Variants in PCDHGB5 observed in about 807,000 individuals in gnomAD.
PCDHGB5 encodes protocadherin gamma subfamily B, 5, also known as protocadherin gamma-B5.
A neutral mutation model predicts 62.9 loss-of-function variants in PCDHGB5; 48 were observed. The ratio of observed to expected loss-of-function variants is 0.76; its 90% CI spans 0.61 to 0.97. PCDHGB5 has a LOEUF of 0.97. PCDHGB5 is among the 50% of genes least tolerant of loss of function. The pLI is 0.00. For missense variants in PCDHGB5, 1,118 were observed against 1,198.6 expected (o/e 0.93, Z 0.99); for synonymous variants, 474 against 511.2 (o/e 0.93, Z 0.98).
intron 1 of PCDHGB5, chr5:141,417,913 T>A (rs749352432): frequency 1.2e-6 from 2 of 1,601,944 alleles, no homozygotes; most frequent in African/African-American, 1.3e-5. Flanking sequence ...AGGTACTATT[T>A]CCTTTGCTGC....
Position 141,511,231 on chromosome 5 carries a change from C to T in PCDHGB5, c.*58C>T. On this transcript the variant is annotated 3_prime_UTR_variant, in exon 4 of 4. Coordinates refer to ENST00000617380, the MANE Select transcript of PCDHGB5 (RefSeq NM_018925.3). ...CTCTCCCCAACCAGCCCAGCTTCTC[C>T]TTACCTGCACCCAGGCCTCAGAGTT... 2 of 1,595,900 alleles carry T rather than the reference C, an allele frequency of 1.3e-6. No individual in the cohort carries two copies. The highest frequency in any genetic ancestry group is 2.2e-5 in the South Asian group (2 of 88,992).
chr5:141,469,284 A>G lies in PCDHGB5; in HGVS notation c.2398-25523A>G, dbSNP rs192391622. On this transcript the variant is annotated intron_variant, in intron 1 of 3. Transcript: ENST00000617380. ...AGAGCAAGACCCCATCTCAAAAAAT[A>G]AAACAAAATAGACTGGGCACGATGG... Among the ~76,000 whole-genome samples, 595 of 152,012 alleles carry G rather than the reference A, an allele frequency of 3.9e-3. 6 individuals are homozygous for G. The highest frequency in any genetic ancestry group is 0.011 in the Admixed American group (171 of 15,260).
In PCDHGB5 at chr5:141,487,934, C is replaced by T; in HGVS notation, c.2398-6873C>T. 4.9e-6 allele frequency: 3 copies of T among 607,674 alleles called. No homozygotes were observed. The highest frequency in any genetic ancestry group is 2.1e-5 in the South Asian group (1 of 48,014). 37.6% of individuals were successfully genotyped at this position (607,674 alleles called of 1,614,324 possible). Reference sequence around the variant, plus strand: ...ACAGGAGGCTACAGTGCACAGGGTACAGTGCACCAGGCAGTCACTTGGACA... The same window carrying T: ...ACAGGAGGCTACAGTGCACAGGGTATAGTGCACCAGGCAGTCACTTGGACA... On this transcript the variant is annotated intron_variant, in intron 1 of 3. Transcript: ENST00000617380. This position sits in a 1 kb window ranked among gnomAD's most constrained non-coding sequence, Gnocchi z 5.0.
chr5:141,417,940 C>A, intron 1 of PCDHGB5: 2 of 1,613,054 alleles, frequency 1.2e-6, no homozygotes, highest in Non-Finnish European at 1.7e-6. Flanking sequence ...TGTTCTACCC[C>A]ACGCTGTGTG....
chr5:141,441,836 C>T (rs1026890754), intron 1 of PCDHGB5: 2 of 354,006 alleles, frequency 5.6e-6, no homozygotes, highest in Non-Finnish European at 1.1e-5. Flanking sequence ...AATGGCTTCG[C>T]GCTCTTGGAT....
At chr5:141,501,516 C>A (rs763346187) in intron 2 of PCDHGB5, among the ~76,000 whole-genome samples, 1 of 152,010 alleles carries the variant, frequency 6.6e-6, no homozygotes, top group Non-Finnish European at 1.5e-5. Flanking sequence ...GGCCTCCAAG[C>A]TGAAGCCCAG....
intron 1 of PCDHGB5, among the ~76,000 whole-genome samples, chr5:141,456,537 G>A (rs1411788378): frequency 1.3e-5 from 2 of 152,178 alleles, no homozygotes; most frequent in African/African-American, 4.8e-5. Flanking sequence ...ATTAAAGAGG[G>A]ATTGTAGCCA....
Position 141,454,981 on chromosome 5 carries a change from A to T in PCDHGB5, c.2398-39826A>T, listed in dbSNP as rs528657512. 9.9e-3 allele frequency among the ~76,000 whole-genome samples: 1,486 copies of T among 150,680 alleles called. 32 individuals carry two copies. Among genetic ancestry groups the T allele is most frequent in the African/African-American group, 0.034 (1,392 of 41,092 alleles). On this transcript the variant is annotated intron_variant, in intron 1 of 3. Coordinates refer to ENST00000617380, the MANE Select transcript of PCDHGB5 (RefSeq NM_018925.3). ...GGCCACCACGCCTGGCTAATTTTTTAAAAAATATTTTTAGTAGAGACGGGG... is the reference window on the plus strand; with the variant it reads ...GGCCACCACGCCTGGCTAATTTTTTTAAAAATATTTTTAGTAGAGACGGGG...
chr5:141,431,435 G>C lies in PCDHGB5; in HGVS notation c.2397+30911G>C, dbSNP rs376827063. The C allele has an allele frequency of 6.2e-7, 1 of 1,613,668 alleles. No homozygotes were observed. The highest frequency in any genetic ancestry group is 1.7e-5 in the Admixed American group (1 of 60,010). On this transcript the variant is annotated intron_variant, in intron 1 of 3. Coordinates refer to ENST00000617380, the MANE Select transcript of PCDHGB5 (RefSeq NM_018925.3). This position sits in a 1 kb window ranked among gnomAD's most constrained non-coding sequence, Gnocchi z 4.8. ...GGGCGACCCGGTGCGCACAGGCACC[G>C]CGCGCATCCGCGTGATGGTTCTGGA...
intron 1 of PCDHGB5, chr5:141,478,485 G>C (rs2099459345): frequency 1.2e-6 from 2 of 1,613,204 alleles, no homozygotes; most frequent in East Asian, 4.5e-5. Flanking sequence ...AACACGCTGC[G>C]GAGCTGTGAT....
chr5:141,423,116 C>T (rs374000303), intron 1 of PCDHGB5: 210 of 1,613,682 alleles, frequency 1.3e-4, no homozygotes, highest in Middle Eastern at 4.9e-4. Context: ...GTGCGTACAG[C>T]GCGGGCACTG....
At chr5:141,482,862 A>G (rs1169526338) in intron 1 of PCDHGB5, among the ~76,000 whole-genome samples, 1 of 152,180 alleles carries the variant, frequency 6.6e-6, no homozygotes, top group Non-Finnish European at 1.5e-5. Context: ...ACTTGAGGTC[A>G]GGAGTTTGAA....
intron 1 of PCDHGB5, among the ~76,000 whole-genome samples, chr5:141,472,001 G>A (rs992798148): frequency 1.1e-4 from 17 of 152,022 alleles, no homozygotes; most frequent in East Asian, 3.9e-4. Context: ...TCCCTGCATC[G>A]TATAGGGGCA....
intron 1 of PCDHGB5, chr5:141,410,904 A>G (rs2095446600): frequency 3.8e-6 from 1 of 262,528 alleles, no homozygotes; most frequent in African/African-American, 3.2e-5. Flanking sequence ...CCTAGGCTGG[A>G]GTGCAGTGGC....
At position 141,494,781 on chromosome 5, in the gene PCDHGB5, C is replaced by A. The variant is rs145360252; in HGVS notation, c.2398-26C>A. On this transcript the variant is annotated intron_variant, in intron 1 of 3. Coordinates refer to ENST00000617380, the MANE Select transcript of PCDHGB5 (RefSeq NM_018925.3). ...ATTCTAACTTCTCACGGGTACTCAG[C>A]CCCTTTCCCTCTGTTTTCTCCACAG... 6,156 of 1,614,074 alleles carry A rather than the reference C, an allele frequency of 3.8e-3. 13 individuals are homozygous for A. Among genetic ancestry groups the A allele is most frequent in the Middle Eastern group, 8.1e-3 (49 of 6,062 alleles).
At chr5:141,421,894 C>T (rs764642401) in intron 1 of PCDHGB5, 6 of 1,613,586 alleles carry the variant, frequency 3.7e-6, no homozygotes, top group Non-Finnish European at 4.2e-6. Flanking sequence ...CGATCCCATC[C>T]GAAAGGGCGC....
In PCDHGB5 at chr5:141,423,089, G is replaced by C. The variant is rs201821221; in HGVS notation, c.2397+22565G>C. The stretch of plus-strand genomic sequence containing the variant: ...AGCGAGCCGGGACTCTTCGCGGTGG[G>C]GGAGCACACGGGCGAGGTGCGTACA... On this transcript the variant is annotated intron_variant, in intron 1 of 3. Transcript: ENST00000617380. 4.0e-5 allele frequency: 65 copies of C among 1,614,016 alleles called. No individual in the cohort carries two copies. In the African/African-American group the frequency reaches 7.2e-4, roughly 18 times the overall value.
In PCDHGB5 at chr5:141,399,873, C is replaced by T. The variant is rs1331485851; in HGVS notation, c.1746C>T (p.Tyr582=). The T allele has an allele frequency of 1.9e-6, 3 of 1,612,836 alleles. No homozygotes were observed. The highest frequency in any genetic ancestry group is 2.5e-6 in the Non-Finnish European group (3 of 1,179,800). The change falls in exon 1 of 4, where the codon TAC becomes TAT. Residue 582 remains tyrosine (Y), a synonymous_variant. Coordinates refer to ENST00000617380, the MANE Select transcript of PCDHGB5 (RefSeq NM_018925.3). Reference sequence around the variant, plus strand: ...TGCCGCGCGCTGCAGAGCCCGGCTACCTGGTGACCAAGGTAGTGGCCGTGG... The same window carrying T: ...TGCCGCGCGCTGCAGAGCCCGGCTATCTGGTGACCAAGGTAGTGGCCGTGG... ...DMVPRAAEPG[Y]LVTKVVAVDA...
intron 1 of PCDHGB5, among the ~76,000 whole-genome samples, chr5:141,455,290 T>C (rs551962783): frequency 5.3e-5 from 8 of 152,206 alleles, no homozygotes; most frequent in East Asian, 1.9e-4. Flanking sequence ...TCACTTTACA[T>C]AGTTTCATCT....
Sources: gnomAD v4.1 joint callset for allele counts (sites outside exome capture counted in the v4.1 genomes callset) on GRCh38, gnomAD v4.1.1 for gene constraint, Gnocchi (gnomAD v3.1) non-coding constraint, MANE v1.5 for transcripts, NCBI Gene and HGNC (gene_info 2026-07-23, HGNC 2026-07-21) for gene names.